GABBR2: variants seen among roughly 807,000 people sequenced by gnomAD.
GABBR2 encodes gamma-aminobutyric acid type B receptor subunit 2.
A neutral mutation model predicts 105.6 loss-of-function variants in GABBR2; 23 were observed. The ratio of observed to expected loss-of-function variants is 0.22; its 90% confidence interval spans 0.16 to 0.31. The LOEUF (loss-of-function observed/expected upper bound fraction) is 0.31, where lower values mean the gene tolerates loss of function less well. Ranked by LOEUF, GABBR2 falls within the 10% of genes least tolerant of loss-of-function variation. The probability of loss-of-function intolerance (pLI) is 1.00; values close to 1 mark genes in which losing one functional copy is unlikely to be tolerated. For missense variants in GABBR2, 734 were observed against 1,245.5 expected (o/e 0.59, Z 6.18); for synonymous variants, 478 against 499.7 (o/e 0.96, Z 0.58).
chr9:98,661,904 C>A (rs1830270079), intron 1 of GABBR2, among the ~76,000 whole-genome samples: 1 of 152,164 alleles, frequency 6.6e-6, no homozygotes, highest in Admixed American at 6.5e-5. Context: ...AAAGCCTGAT[C>A]CCTTGCCTTG....
chr9:98,699,404 A>G (rs1830798809), intron 1 of GABBR2, among the ~76,000 whole-genome samples: 1 of 152,132 alleles, frequency 6.6e-6, no homozygotes, highest in Non-Finnish European at 1.5e-5. Context: ...TAAGAACCCG[A>G]AAGAATGAAT....
intron 16 of GABBR2, among the ~76,000 whole-genome samples, chr9:98,301,328 AGCGGGTGCCTGCTG>A: frequency 6.6e-6 from 1 of 152,356 alleles, no homozygotes; most frequent in African/African-American, 2.4e-5. Context: ...GGAGGCACCC[AGCGGGTGCCTGCTG>A]CTCGTTGGTG....
intron 2 of GABBR2, among the ~76,000 whole-genome samples, chr9:98,564,495 T>A (rs1828722538): frequency 6.6e-6 from 1 of 152,196 alleles, no homozygotes; most frequent in South Asian, 2.1e-4. Context: ...AGAAGGGCAA[T>A]CCTTTGGCAA....
rs1009037398 is a variant in GABBR2, at chr9:98,617,525, G to A, written c.322-39453C>T. ...TGTTGGAATCATAATGAAAGCATAC[G>A]CATTAGAGACATTGCTGTGGACCAC... On this transcript the variant is annotated intron_variant, in intron 1 of 18. Transcript: ENST00000259455. Among the ~76,000 whole-genome samples, 6 of 152,122 alleles carry A rather than the reference G, an allele frequency of 3.9e-5. No individual in the cohort carries two copies. In the South Asian group the frequency reaches 6.2e-4, roughly 16 times the overall value.
rs552635818 is a variant in GABBR2, at chr9:98,610,648, C to T, written c.322-32576G>A. Among the ~76,000 whole-genome samples the T allele has an allele frequency of 2.0e-5, 3 of 152,046 alleles. No individual in the cohort carries two copies. In the East Asian group the frequency reaches 5.8e-4, roughly 29 times the overall value. On this transcript the variant is annotated intron_variant, in intron 1 of 18. Transcript: ENST00000259455. The stretch of plus-strand genomic sequence containing the variant: ...AGGTAGAGATTGGAACCCTGCAGAC[C>T]CAAGTCAGGGAATGCCAACAGTCAC...
chr9:98,563,189 G>T (rs1364564261), intron 2 of GABBR2, among the ~76,000 whole-genome samples: 2 of 151,186 alleles, frequency 1.3e-5, no homozygotes, highest in Admixed American at 6.6e-5. Flanking sequence ...ATGAATTCAT[G>T]ATGCTACTTA....
At chr9:98,520,863 G>A (rs191468176) in intron 3 of GABBR2, among the ~76,000 whole-genome samples, 1 of 152,328 alleles carries the variant, frequency 6.6e-6, no homozygotes, top group East Asian at 1.9e-4. Flanking sequence ...TGTTTGGCAG[G>A]AGAATTCTCC....
chr9:98,430,936 GT>G (rs77111259), intron 7 of GABBR2, among the ~76,000 whole-genome samples: 233 of 144,240 alleles, frequency 1.6e-3, no homozygotes, highest in Middle Eastern at 7.5e-3. Context: ...TATTTGGACT[GT>G]TTTTTTTTTT....
intron 3 of GABBR2, among the ~76,000 whole-genome samples, chr9:98,518,445 A>C (rs1827803021): frequency 6.6e-6 from 1 of 152,188 alleles, no homozygotes; most frequent in Non-Finnish European, 1.5e-5. Flanking sequence ...AATCCCCTTA[A>C]GTTTCGGACT....
At chr9:98,552,878 T>C (rs1828515822) in intron 2 of GABBR2, among the ~76,000 whole-genome samples, 2 of 152,038 alleles carry the variant, frequency 1.3e-5, no homozygotes, top group African/African-American at 4.8e-5. Flanking sequence ...GTCCTTTTTT[T>C]CTTTTTCTTT....
chr9:98,312,092 T>A (rs1326241084), intron 13 of GABBR2, among the ~76,000 whole-genome samples: 1 of 152,246 alleles, frequency 6.6e-6, no homozygotes, highest in Non-Finnish European at 1.5e-5. Context: ...GGGATTCCCT[T>A]GCACAATCAC....
chr9:98,592,259 C>G (rs1238499449), intron 1 of GABBR2, among the ~76,000 whole-genome samples: 1 of 152,210 alleles, frequency 6.6e-6, no homozygotes, highest in Non-Finnish European at 1.5e-5. Flanking sequence ...ACTATGACTG[C>G]CACAGATGAT....
chr9:98,502,973 C>G (rs775471629), intron 3 of GABBR2, among the ~76,000 whole-genome samples: 1 of 152,206 alleles, frequency 6.6e-6, no homozygotes. Flanking sequence ...TTTCAGGAAC[C>G]GTCTGAGGTA....
At chr9:98,405,812 A>AT (rs1053120124) in intron 8 of GABBR2, among the ~76,000 whole-genome samples, 2 of 152,154 alleles carry the variant, frequency 1.3e-5, no homozygotes, top group East Asian at 3.8e-4. Context: ...GGAATCATCC[A>AT]TTTTTTTCCT....
chr9:98,621,615 C>G (rs969789616), intron 1 of GABBR2, among the ~76,000 whole-genome samples: 4 of 152,228 alleles, frequency 2.6e-5, no homozygotes, highest in African/African-American at 9.6e-5. Flanking sequence ...TCAGGAAAAA[C>G]ATGCTCCTTT....
rs546453843 is a variant in GABBR2 at position 98,298,435 on chromosome 9, A to G, written c.2542+789T>C. Among the ~76,000 whole-genome samples the G allele has an allele frequency of 2.0e-5, 3 of 152,312 alleles. No individual in the cohort carries two copies. In the South Asian group the frequency reaches 6.2e-4, roughly 32 times the overall value. On this transcript the variant is annotated intron_variant, in intron 17 of 18. Transcript: ENST00000259455. ...TGTTCATCTCTGCACACCTGGGAGT[A>G]TTTGCAAGGGGCAGGTTCCTGCTAG...
rs144533189 is a variant in GABBR2, at chr9:98,346,925, G to T, written c.1893+15790C>A. Among the ~76,000 whole-genome samples, 233 of 152,022 alleles carry T rather than the reference G, an allele frequency of 1.5e-3. 1 individual carries two copies. Among genetic ancestry groups the T allele is most frequent in the African/African-American group, 5.3e-3 (220 of 41,472 alleles). ...TGACAGGATTTCATTCTTTTTTATG[G>T]TTAAATAGTATCCCATTGTGTATAT... On this transcript the variant is annotated intron_variant, in intron 13 of 18. Transcript: ENST00000259455.
intron 13 of GABBR2, among the ~76,000 whole-genome samples, chr9:98,316,824 C>A (rs1045217422): frequency 8.5e-5 from 13 of 152,152 alleles, no homozygotes; most frequent in African/African-American, 3.1e-4. Context: ...ATACTTATTT[C>A]ACAGATGAGG....
At chr9:98,614,867 T>C (rs1329010661) in intron 1 of GABBR2, among the ~76,000 whole-genome samples, 1 of 152,182 alleles carries the variant, frequency 6.6e-6, no homozygotes, top group Admixed American at 6.5e-5. Context: ...ACTCAATTCA[T>C]CCAGGAGCTG....
Sources: allele counts gnomAD v4.1 joint callset (sites outside exome capture counted in the v4.1 genomes callset), GRCh38; gene constraint gnomAD v4.1.1; transcripts MANE v1.5; gene names NCBI Gene and HGNC (gene_info 2026-07-23, HGNC 2026-07-21).